ANKRD28: variants seen among roughly 807,000 people sequenced by gnomAD.
The protein encoded by ANKRD28 is ankyrin repeat domain 28.
Under a neutral mutation model 126.5 loss-of-function variants are expected in ANKRD28, and 44 were observed. The observed-to-expected ratio is 0.35, with a 90% CI of 0.27 to 0.45. The LOEUF is 0.45. Ranked by LOEUF, ANKRD28 falls within the 20% of genes least tolerant of loss-of-function variation. The pLI, the probability that ANKRD28 is intolerant of heterozygous loss-of-function variation, is 1.00. For synonymous variants in ANKRD28, 442 were observed against 468.5 expected, an observed-to-expected ratio of 0.94 and a Z score of 0.73; for missense variants, 1,110 against 1,316.6, an observed-to-expected ratio of 0.84 and a Z score of 2.43.
intron 4 of ANKRD28, among the ~76,000 whole-genome samples, chr3:15,741,271 T>G (rs1408436767): frequency 6.6e-6 from 1 of 151,596 alleles, no homozygotes. Flanking sequence ...CAGAGAAAAC[T>G]GAAGAAAATC....
At chr3:15,719,094 T>TG (rs1278054063) in intron 8 of ANKRD28, among the ~76,000 whole-genome samples, 1 of 152,186 alleles carries the variant, frequency 6.6e-6, no homozygotes, top group Non-Finnish European at 1.5e-5. Flanking sequence ...TTTAAAAAGA[T>TG]GGTTTAGCTC....
rs80027796 is a variant in ANKRD28, at chr3:15,814,067, G to T, written c.28-18761C>A. ...TATACTAAGTCTTCCACTAACACAG[G>T]GTCCACTACTATAAATGTTTCTACA... On this transcript the variant is annotated intron_variant, in intron 1 of 27. Coordinates refer to the ANKRD28 transcript ENST00000399451. The surrounding 1 kb of genome is among the most constrained non-coding windows in gnomAD (Gnocchi z 4.7). Among the ~76,000 whole-genome samples the T allele has an allele frequency of 2.6e-3, 392 of 152,018 alleles. 10 individuals carry two copies. In the East Asian group the frequency reaches 0.052, roughly 20 times the overall value.
At chr3:15,722,513 C>T (rs1053965714) in intron 7 of ANKRD28, among the ~76,000 whole-genome samples, 6 of 152,104 alleles carry the variant, frequency 3.9e-5, no homozygotes, top group Non-Finnish European at 8.8e-5. Flanking sequence ...ACCATGAGTA[C>T]AAAGCTTTTA....
chr3:15,781,095 G>GAA (rs574506991), intron 2 of ANKRD28, among the ~76,000 whole-genome samples: 3 of 132,662 alleles, frequency 2.3e-5, no homozygotes, highest in Non-Finnish European at 3.3e-5. Context: ...CTTTTGCACA[G>GAA]AAAAAAAAAA....
intron 3 of ANKRD28, among the ~76,000 whole-genome samples, chr3:15,755,753 A>G (rs1373301537): frequency 6.6e-6 from 1 of 152,234 alleles, no homozygotes; most frequent in African/African-American, 2.4e-5. Context: ...TGCCCTCTAC[A>G]TGGTAGAAGA....
chr3:15,702,768 C>A (rs1461143580), intron 14 of ANKRD28, among the ~76,000 whole-genome samples: 1 of 151,988 alleles, frequency 6.6e-6, no homozygotes, highest in Non-Finnish European at 1.5e-5. Context: ...TCCAAGAGGC[C>A]CTCCCTCCTC....
At chr3:15,792,253 A>G (rs1482426751) in intron 2 of ANKRD28, among the ~76,000 whole-genome samples, 3 of 152,106 alleles carry the variant, frequency 2.0e-5, no homozygotes, top group African/African-American at 7.2e-5. Flanking sequence ...CAGTGTATCG[A>G]AGAGATCTGC....
intron 1 of ANKRD28, chr3:15,859,374 T>A: frequency 6.5e-7 from 1 of 1,528,174 alleles, no homozygotes; most frequent in Non-Finnish European, 8.8e-7. Context: ...GCCCCTCACC[T>A]ACCTGGTCAC....
At chr3:15,848,477 C>A (rs576451255) in intron 1 of ANKRD28, among the ~76,000 whole-genome samples, 11 of 152,170 alleles carry the variant, frequency 7.2e-5, no homozygotes, top group African/African-American at 2.4e-4. Context: ...AAGCTGAAGA[C>A]CAGCCTGGGC....
chr3:15,761,296 A>C (rs142896045), intron 3 of ANKRD28, among the ~76,000 whole-genome samples: 2 of 152,320 alleles, frequency 1.3e-5, no homozygotes, highest in Non-Finnish European at 2.9e-5. Context: ...GTAAACACCT[A>C]CACTAAATTT....
At chr3:15,739,364 C>A (rs2075278998) in intron 4 of ANKRD28, among the ~76,000 whole-genome samples, 1 of 152,208 alleles carries the variant, frequency 6.6e-6, no homozygotes, top group Non-Finnish European at 1.5e-5. Context: ...TCCATGAAAT[C>A]TTCACAGTTT....
intron 1 of ANKRD28, among the ~76,000 whole-genome samples, chr3:15,836,478 A>G (rs1386397469): frequency 4.6e-5 from 7 of 152,196 alleles, no homozygotes. Context: ...AAATCCAACC[A>G]TTTCAAAAGT....
intron 16 of ANKRD28, 116 bp downstream of exon 16, chr3:15,695,072 T>C: frequency 6.8e-6 from 6 of 876,426 alleles, no homozygotes; most frequent in Non-Finnish European, 1.1e-5. Context: ...TGTCACCGTC[T>C]TTGTGCCTAA....
chr3:15,682,193 TC>T (rs1205088404), intron 21 of ANKRD28, among the ~76,000 whole-genome samples: 1 of 152,224 alleles, frequency 6.6e-6, no homozygotes, highest in African/African-American at 2.4e-5. Flanking sequence ...AAAATAGTTT[TC>T]ATAAAAAAAG....
chr3:15,740,867 G>A (rs912441337), intron 4 of ANKRD28, among the ~76,000 whole-genome samples: 1 of 152,206 alleles, frequency 6.6e-6, no homozygotes, highest in Admixed American at 6.5e-5. Flanking sequence ...AGATCAAGGT[G>A]TGAACCCTGA....
chr3:15,694,881 C>CTGGG, intron 16 of ANKRD28, 68 bp from the exon 17 acceptor site: 1 of 1,382,258 alleles, frequency 7.2e-7, no homozygotes, highest in East Asian at 2.3e-5. Flanking sequence ...CCCACCCACC[C>CTGGG]AGTTCAAATC....
intron 1 of ANKRD28, among the ~76,000 whole-genome samples, chr3:15,827,426 C>G (rs2061091769): frequency 6.6e-6 from 1 of 152,078 alleles, no homozygotes; most frequent in Non-Finnish European, 1.5e-5. Flanking sequence ...TACTATTCAG[C>G]CTTAAAGGAG....
Position 15,668,836 on chromosome 3 carries a change from G to C in ANKRD28, c.*1434C>G, listed in dbSNP as rs1033629023. 1 of 152,536 alleles carries C rather than the reference G, an allele frequency of 6.6e-6. No individual in the cohort carries two copies. The highest frequency in any genetic ancestry group is 1.5e-5 in the Non-Finnish European group (1 of 68,016). The allele number at this position is 152,536 out of a possible 1,614,324, so 9.4% of individuals were successfully genotyped here. A position where few individuals can be genotyped will look rare whatever the true frequency, so the allele number is the denominator to read the frequency against. ...AATTTACAATGTCATAAAGTTTCCAGTTTCACAATACAAAAAGGATAAAAT... is the reference window on the plus strand; with the variant it reads ...AATTTACAATGTCATAAAGTTTCCACTTTCACAATACAAAAAGGATAAAAT... On this transcript the variant is annotated 3_prime_UTR_variant, in exon 28 of 28. Transcript: ENST00000683139.
At chr3:15,753,265 C>T (rs1284884563) in intron 3 of ANKRD28, among the ~76,000 whole-genome samples, 1 of 152,222 alleles carries the variant, frequency 6.6e-6, no homozygotes, top group African/African-American at 2.4e-5. Context: ...ATGGTTAAAA[C>T]ACAAACTGCC....
Sources: allele counts gnomAD v4.1 joint callset (sites outside exome capture counted in the v4.1 genomes callset), GRCh38; gene constraint gnomAD v4.1.1; non-coding constraint Gnocchi (gnomAD v3.1); transcripts MANE v1.5; gene names NCBI Gene and HGNC (gene_info 2026-07-23, HGNC 2026-07-21).